SLC24A2: variants seen among roughly 807,000 people sequenced by gnomAD.
SLC24A2 encodes the protein sodium/potassium/calcium exchanger 2.
Under a neutral mutation model 62.0 loss-of-function variants are expected in SLC24A2, and 36 were observed. The ratio of observed to expected loss-of-function variants is 0.58; its 90% CI spans 0.44 to 0.77. The LOEUF is 0.77. Among genes scored for constraint, SLC24A2 ranks in the 30% least tolerant of loss-of-function variants. SLC24A2 has a pLI of 0.00. For synonymous variants in SLC24A2, 358 were observed against 294.0 expected, an observed-to-expected ratio of 1.22 and a Z score of -2.23; for missense variants, 846 against 817.9, an observed-to-expected ratio of 1.03 and a Z score of -0.42.
chr9:20,283,810 A>G, the SLC24A2 span, among the ~76,000 whole-genome samples: 1 of 151,846 alleles, frequency 6.6e-6, no homozygotes, highest in Non-Finnish European at 1.5e-5. Context: ...CTTTCCCACG[A>G]AAGGTGTAGG....
the SLC24A2 span, among the ~76,000 whole-genome samples, chr9:20,029,928 A>G: frequency 9.8e-5 from 15 of 152,322 alleles, no homozygotes; most frequent in African/African-American, 3.1e-4. Flanking sequence ...TTAGTGTTGC[A>G]CAAAGGGTGC....
At chr9:19,746,072 A>G (rs1821823047) in intron 2 of SLC24A2, among the ~76,000 whole-genome samples, 2 of 151,970 alleles carry the variant, frequency 1.3e-5, no homozygotes, top group Middle Eastern at 3.4e-3. Flanking sequence ...CACTGACATC[A>G]TGCATTTCCC....
the SLC24A2 span, among the ~76,000 whole-genome samples, chr9:20,155,597 T>C: frequency 6.6e-6 from 1 of 151,814 alleles, no homozygotes; most frequent in Admixed American, 6.6e-5. Flanking sequence ...AAATATTTAA[T>C]AAACATTTTA....
intron 8 of SLC24A2, among the ~76,000 whole-genome samples, chr9:19,537,978 G>GTT (rs1212276703): frequency 3.7e-5 from 1 of 26,912 alleles, no homozygotes; most frequent in Non-Finnish European, 6.5e-5. Context: ...GTGAATGGGA[G>GTT]TTCACTCATG....
the SLC24A2 span, among the ~76,000 whole-genome samples, chr9:20,191,480 G>A: frequency 1.2e-4 from 18 of 152,004 alleles, no homozygotes; most frequent in African/African-American, 3.9e-4. Flanking sequence ...AAGACCAGAA[G>A]TGAGGTGTAA....
chr9:20,065,095 G>T, the SLC24A2 span, among the ~76,000 whole-genome samples: 1 of 152,176 alleles, frequency 6.6e-6, no homozygotes, highest in Non-Finnish European at 1.5e-5. Flanking sequence ...CCAAACATTT[G>T]TTTCATGGTC....
At chr9:19,865,029 T>A in the SLC24A2 span, among the ~76,000 whole-genome samples, 1 of 152,130 alleles carries the variant, frequency 6.6e-6, no homozygotes, top group African/African-American at 2.4e-5. Flanking sequence ...GTAGCATGTC[T>A]ATATGCCAAC....
At chr9:19,986,219 G>A in the SLC24A2 span, among the ~76,000 whole-genome samples, 1 of 152,078 alleles carries the variant, frequency 6.6e-6, no homozygotes, top group Admixed American at 6.6e-5. Context: ...AAAAACTACA[G>A]AGGGATACCA....
At chr9:19,721,795 G>T (rs1044036609) in intron 2 of SLC24A2, among the ~76,000 whole-genome samples, 7 of 151,962 alleles carry the variant, frequency 4.6e-5, no homozygotes, top group African/African-American at 1.7e-4. Context: ...TTTAATCTTT[G>T]CCATATAAAC....
chr9:19,513,679 G>A lies in SLC24A2; in HGVS notation c.*2474C>T, dbSNP rs932829174. ...CAGGAATAAGAAGAGGGCGGCATCA[G>A]GTCTCCTTCAACTTCTGTTTTACAT... On this transcript the variant is annotated 3_prime_UTR_variant, in exon 11 of 11. Transcript: ENST00000341998. The A allele has an allele frequency of 3.3e-5, 5 of 152,140 alleles. No homozygotes were observed. The highest frequency in any genetic ancestry group is 1.2e-4 in the African/African-American group (5 of 41,402). The allele number at this position is 152,140 out of a possible 1,614,324, so 9.4% of individuals were successfully genotyped here. A position where few individuals can be genotyped will look rare whatever the true frequency, so the allele number is the denominator to read the frequency against.
the SLC24A2 span, among the ~76,000 whole-genome samples, chr9:20,151,907 T>C: frequency 1.3e-5 from 2 of 151,838 alleles, no homozygotes; most frequent in African/African-American, 4.8e-5. Context: ...CATTCCTTTC[T>C]TTATGGACCT....
the SLC24A2 span, among the ~76,000 whole-genome samples, chr9:20,180,595 T>C: frequency 6.6e-6 from 1 of 152,190 alleles, no homozygotes; most frequent in East Asian, 1.9e-4. Context: ...ATGGAGATTA[T>C]TGGCATGGCT....
the SLC24A2 span, among the ~76,000 whole-genome samples, chr9:19,860,044 G>T: frequency 6.6e-6 from 1 of 152,248 alleles, no homozygotes; most frequent in Non-Finnish European, 1.5e-5. Flanking sequence ...CTCCTAGGCA[G>T]TCCTAGGACT....
chr9:19,940,568 AC>A, the SLC24A2 span, among the ~76,000 whole-genome samples: 1 of 151,210 alleles, frequency 6.6e-6, no homozygotes. Flanking sequence ...CCTCACCCCT[AC>A]CCCCAACCCC....
intron 2 of SLC24A2, among the ~76,000 whole-genome samples, chr9:19,726,462 C>T (rs1821174339): frequency 1.3e-5 from 2 of 152,046 alleles, no homozygotes; most frequent in Admixed American, 1.3e-4. Flanking sequence ...AATAAAATTG[C>T]AGTGTGGTTC....
intron 2 of SLC24A2, among the ~76,000 whole-genome samples, chr9:19,681,422 C>T (rs1380797126): frequency 1.3e-5 from 2 of 152,146 alleles, no homozygotes; most frequent in African/African-American, 4.8e-5. Flanking sequence ...TTCTCATCTA[C>T]TAACATCCTA....
the SLC24A2 span, among the ~76,000 whole-genome samples, chr9:20,098,226 C>A: frequency 2.6e-4 from 39 of 152,260 alleles, no homozygotes; most frequent in Non-Finnish European, 2.9e-5. Context: ...CATTTAACAA[C>A]ATTTATTCAT....
intron 2 of SLC24A2, among the ~76,000 whole-genome samples, chr9:19,692,855 C>G (rs1469052797): frequency 6.6e-6 from 1 of 152,124 alleles, no homozygotes. Context: ...TGATTAATGA[C>G]CAAACGTTTA....
the SLC24A2 span, among the ~76,000 whole-genome samples, chr9:19,903,085 A>G: frequency 1.0e-3 from 153 of 151,020 alleles, no homozygotes; most frequent in African/African-American, 3.4e-3. Context: ...TTTAACTCCC[A>G]TTATCAGATC....
Sources: allele counts gnomAD v4.1 joint callset (sites outside exome capture counted in the v4.1 genomes callset), GRCh38; gene constraint gnomAD v4.1.1; transcripts MANE v1.5; gene names NCBI Gene and HGNC (gene_info 2026-07-23, HGNC 2026-07-21).